The following TMOD1 variants were observed in gnomAD, a reference collection of about 807,000 sequenced individuals.
TMOD1 encodes tropomodulin-1.
In TMOD1, 17 loss-of-function variants were observed where a neutral mutation model predicts 40.6. The ratio of observed to expected loss-of-function variants is 0.42; its 90% CI spans 0.29 to 0.63. The LOEUF (loss-of-function observed/expected upper bound fraction) is 0.63. Ranked by LOEUF, TMOD1 falls within the 20% of genes least tolerant of loss-of-function variation. The pLI is 0.22. For synonymous variants in TMOD1, 181 were observed against 175.0 expected (o/e 1.03, Z -0.27); for missense variants, 391 against 447.6 (o/e 0.87, Z 1.14).
Position 97,601,110 on chromosome 9 carries a change from GT to G in TMOD1, c.*1413del. 1 of 1,304,316 alleles carries G rather than the reference GT, an allele frequency of 7.7e-7. No individual in the cohort carries two copies. The highest frequency in any genetic ancestry group is 1.0e-6 in the Non-Finnish European group (1 of 988,950). The allele number at this position is 1,304,316 out of a possible 1,614,324, so 80.8% of individuals were successfully genotyped here. A position where few individuals can be genotyped will look rare whatever the true frequency, so the allele number is the denominator to read the frequency against. On this transcript the variant is annotated 3_prime_UTR_variant, in exon 10 of 10. Coordinates refer to ENST00000259365, the MANE Select transcript of TMOD1 (RefSeq NM_003275.4). ...CAGGGCCTCAGCGCTATGGAAGAGT[GT>G]CCACTGAGGCTGCACATGGCCCAGG...
intron 2 of TMOD1, among the ~76,000 whole-genome samples, chr9:97,542,022 G>A (rs1188084392): frequency 6.6e-6 from 1 of 152,114 alleles, no homozygotes; most frequent in Non-Finnish European, 1.5e-5. Flanking sequence ...GTTGCTTATT[G>A]CTTTGATATC....
intron 5 of TMOD1, among the ~76,000 whole-genome samples, chr9:97,563,147 G>A (rs777866142): frequency 1.3e-5 from 2 of 152,150 alleles, no homozygotes; most frequent in Non-Finnish European, 2.9e-5. Flanking sequence ...TGGACCTCCT[G>A]GGCTTAAGCG....
intron 5 of TMOD1, 62 bp from the exon 6 acceptor site, chr9:97,563,976 G>A: frequency 2.0e-6 from 3 of 1,492,634 alleles, no homozygotes; most frequent in Non-Finnish European, 2.7e-6. Flanking sequence ...CAGTATCTTT[G>A]TGTTGGCAGA....
At chr9:97,538,222 G>C (rs867370840) in intron 2 of TMOD1, among the ~76,000 whole-genome samples, 2 of 152,012 alleles carry the variant, frequency 1.3e-5, no homozygotes, top group African/African-American at 4.8e-5. Context: ...TAAAACCTGC[G>C]CTAAATTTCC....
chr9:97,592,573 C>T (rs1826023803), intron 9 of TMOD1, among the ~76,000 whole-genome samples: 2 of 152,306 alleles, frequency 1.3e-5, no homozygotes, highest in Non-Finnish European at 1.5e-5. Flanking sequence ...ATGCAAAGAG[C>T]CTAATATGAA....
intron 8 of TMOD1, among the ~76,000 whole-genome samples, chr9:97,575,108 C>T (rs547006929): frequency 3.3e-5 from 5 of 152,346 alleles, no homozygotes; most frequent in African/African-American, 1.2e-4. Flanking sequence ...ATAAATCTTG[C>T]CACTGCTCAC....
At chr9:97,571,410 A>G (rs1830816207) in intron 8 of TMOD1, among the ~76,000 whole-genome samples, 1 of 152,250 alleles carries the variant, frequency 6.6e-6, no homozygotes, top group African/African-American at 2.4e-5. Flanking sequence ...TTGTAAAATG[A>G]GGATTATAAG....
chr9:97,576,871 C>T (rs1480148189), intron 8 of TMOD1, among the ~76,000 whole-genome samples: 1 of 151,986 alleles, frequency 6.6e-6, no homozygotes, highest in Non-Finnish European at 1.5e-5. Context: ...GATCTCCTGA[C>T]CTTGTGATCC....
rs754472290 is a variant in TMOD1, at chr9:97,564,051, C to T, written c.501C>T (p.Pro167=). The change falls in exon 6 of 10, where the codon CCC becomes CCT. Residue 167 remains proline (P), a synonymous_variant. Coordinates refer to ENST00000259365, the MANE Select transcript of TMOD1 (RefSeq NM_003275.4). The part of the protein sequence containing the change: ...NKEGLNSVIK[P]TQYKPVPDEE... ...CGGTCACTCTAGGCGTGATTAAACC[C>T]ACACAATACAAGCCTGTGCCCGACG... 1 of 1,614,098 alleles carries T rather than the reference C, an allele frequency of 6.2e-7. No homozygotes were observed. Among genetic ancestry groups the T allele is most frequent in the Non-Finnish European group, 8.5e-7 (1 of 1,180,006 alleles).
Position 97,585,553 on chromosome 9 carries a change from C to T in TMOD1, c.871-5738C>T, listed in dbSNP as rs1046479979. On this transcript the variant is annotated intron_variant, in intron 8 of 9. Coordinates refer to ENST00000259365, the MANE Select transcript of TMOD1 (RefSeq NM_003275.4). Reference sequence around the variant, plus strand: ...TTTCCTGAATCTGAATGTTGGCCTGCCTTGCTAGATTGGAGAAGTTCTCCT... The same window carrying T: ...TTTCCTGAATCTGAATGTTGGCCTGTCTTGCTAGATTGGAGAAGTTCTCCT... Among the ~76,000 whole-genome samples, 122 of 149,912 alleles carry T rather than the reference C, an allele frequency of 8.1e-4. 1 individual carries two copies. The highest frequency in any genetic ancestry group is 1.6e-3 in the Non-Finnish European group (105 of 67,330).
At chr9:97,507,513 G>T (rs1163520297) in intron 1 of TMOD1, among the ~76,000 whole-genome samples, 1 of 152,200 alleles carries the variant, frequency 6.6e-6, no homozygotes, top group African/African-American at 2.4e-5. Flanking sequence ...TGAAGATTAA[G>T]ATCACGAAAC....
intron 5 of TMOD1, 73 bp from the exon 6 acceptor site, chr9:97,563,965 A>G (rs2131265974): frequency 6.5e-7 from 1 of 1,548,630 alleles, no homozygotes; most frequent in Admixed American, 1.9e-5. Flanking sequence ...GCTCCCTTCC[A>G]CAGTATCTTT....
intron 2 of TMOD1, among the ~76,000 whole-genome samples, chr9:97,538,540 A>C (rs1830222687): frequency 6.6e-6 from 1 of 152,124 alleles, no homozygotes; most frequent in South Asian, 2.1e-4. Flanking sequence ...AATTCCTTAT[A>C]GGTTAAATGA....
intron 9 of TMOD1, among the ~76,000 whole-genome samples, chr9:97,596,466 T>C (rs1826113571): frequency 6.6e-6 from 1 of 152,204 alleles, no homozygotes; most frequent in Non-Finnish European, 1.5e-5. Flanking sequence ...CCCATCTCAC[T>C]AGCTCATGTA....
chr9:97,600,186 C>A lies in TMOD1; in HGVS notation c.*488C>A. ...ACCCTCCTTGGAATTTTGAAAACCT[C>A]GATTAAAGTTGCCAAATTGATTACT... On this transcript the variant is annotated 3_prime_UTR_variant, in exon 10 of 10. Coordinates refer to ENST00000259365, the MANE Select transcript of TMOD1 (RefSeq NM_003275.4). The A allele has an allele frequency of 1.0e-6, 1 of 994,988 alleles. No homozygotes were observed. The highest frequency in any genetic ancestry group is 4.5e-5 in the South Asian group (1 of 22,382). The allele number at this position is 994,988 out of a possible 1,614,324, so 61.6% of individuals were successfully genotyped here. A position where few individuals can be genotyped will look rare whatever the true frequency, so the allele number is the denominator to read the frequency against.
chr9:97,510,472 C>T (rs1158030997), intron 1 of TMOD1, among the ~76,000 whole-genome samples: 4 of 152,220 alleles, frequency 2.6e-5, no homozygotes, highest in Non-Finnish European at 5.9e-5. Context: ...CTCAGGGGAT[C>T]CACCCACGTC....
chr9:97,545,866 G>C (rs955362146), intron 2 of TMOD1, among the ~76,000 whole-genome samples: 4 of 152,186 alleles, frequency 2.6e-5, no homozygotes, highest in Non-Finnish European at 4.4e-5. Context: ...TCTGTGCTCA[G>C]ACTGGAGTCG....
intron 2 of TMOD1, among the ~76,000 whole-genome samples, chr9:97,539,253 T>A (rs1830239162): frequency 6.6e-6 from 1 of 152,176 alleles, no homozygotes; most frequent in South Asian, 2.1e-4. Flanking sequence ...TTTCTATGCA[T>A]ACATGATCAC....
chr9:97,565,933 G>A lies in TMOD1; in HGVS notation c.704G>A (p.Arg235Gln), dbSNP rs778178598. ...YVKKFSIVGT[R>Q]SNDPVAYALA... The stretch of plus-strand genomic sequence containing the variant: ...AAGAAGTTCAGCATCGTGGGGACAC[G>A]GAGTAATGACCCCGTGGCGTATGTA... Residue 235 changes from arginine to glutamine, a missense_variant, in exon 7 of 10, where the codon CGG (arginine) becomes CAG (glutamine). Arg to Gln is a conservative substitution (Grantham distance 43, BLOSUM62 1). Coordinates refer to ENST00000259365, the MANE Select transcript of TMOD1 (RefSeq NM_003275.4). The A allele has an allele frequency of 5.9e-5, 96 of 1,614,014 alleles. No homozygotes were observed. The highest frequency in any genetic ancestry group is 4.9e-4 in the Middle Eastern group (3 of 6,082).
Sources: allele counts gnomAD v4.1 joint callset (sites outside exome capture counted in the v4.1 genomes callset), GRCh38; gene constraint gnomAD v4.1.1; transcripts MANE v1.5; gene names NCBI Gene and HGNC (gene_info 2026-07-23, HGNC 2026-07-21).